The following LYRM4 variants were observed in gnomAD, a reference collection of about 807,000 sequenced individuals.
LYRM4 encodes the protein LYR motif containing 4.
LYRM4 carries 9 observed loss-of-function variants against 11.7 expected under a neutral mutation model. The ratio of observed to expected loss-of-function variants is 0.77; its 90% CI spans 0.46 to 1.34. LYRM4 has a LOEUF of 1.34. LYRM4 is among the 40% of genes most tolerant of loss of function. LYRM4 has a pLI of 0.00. For synonymous variants in LYRM4, 42 were observed against 40.4 expected (o/e 1.04, Z -0.15); for missense variants, 133 against 112.5 (o/e 1.18, Z -0.82).
chr6:5,190,859 G>A (rs1363834949), intron 2 of LYRM4, among the ~76,000 whole-genome samples: 7 of 152,256 alleles, frequency 4.6e-5, no homozygotes, highest in African/African-American at 1.2e-4. Flanking sequence ...ACCTGAGCCC[G>A]TGGCTTCAGG....
At chr6:5,248,836 G>A (rs566207191) in intron 1 of LYRM4, among the ~76,000 whole-genome samples, 3 of 152,346 alleles carry the variant, frequency 2.0e-5, no homozygotes, top group Non-Finnish European at 4.4e-5. Context: ...TTGGGCAAAG[G>A]TTATGTTTTG....
the LYRM4 span, chr6:5,066,467 GA>G: frequency 1.3e-6 from 1 of 760,074 alleles, no homozygotes; most frequent in South Asian, 1.4e-5. Context: ...AATTCTGAAA[GA>G]GCCCTTGAGA....
In LYRM4 at chr6:5,256,062, C is replaced by T. The variant is rs144147692; in HGVS notation, c.86+4586G>A. On this transcript the variant is annotated intron_variant, in intron 1 of 2. Transcript: ENST00000330636. ...CCCCCATTAACAAAGAATTAGCTGG[C>T]CCAAAAGGTTGGTCATGCCAAGATT... Among the ~76,000 whole-genome samples the T allele has an allele frequency of 4.4e-3, 674 of 151,812 alleles. 2 individuals carry two copies. The highest frequency in any genetic ancestry group is 0.015 in the African/African-American group (637 of 41,422).
the LYRM4 span, among the ~76,000 whole-genome samples, chr6:5,051,456 G>C: frequency 6.6e-6 from 1 of 152,154 alleles, no homozygotes; most frequent in East Asian, 1.9e-4. Context: ...CGAATCCCTG[G>C]GAAGGTAAGC....
At chr6:5,216,801 T>C (rs1762299775) in intron 1 of LYRM4, 63 bp from the exon 2 acceptor site, 1 of 1,559,078 alleles carries the variant, frequency 6.4e-7, no homozygotes, top group Non-Finnish European at 8.6e-7. Flanking sequence ...TGCTTTCAAA[T>C]GAATTTTAAA....
intron 2 of LYRM4, among the ~76,000 whole-genome samples, chr6:5,168,227 A>T (rs1446923112): frequency 6.6e-6 from 1 of 152,210 alleles, no homozygotes; most frequent in Non-Finnish European, 1.5e-5. Flanking sequence ...CTCATGTAAT[A>T]AGTAAATCAG....
chr6:5,158,571 G>A (rs1473497910), intron 2 of LYRM4, among the ~76,000 whole-genome samples: 5 of 151,456 alleles, frequency 3.3e-5, no homozygotes. Flanking sequence ...CAAACTCTTG[G>A]GCTTAAGCGA....
downstream of LYRM4, among the ~76,000 whole-genome samples, chr6:5,099,970 TC>T (rs544934524): frequency 6.6e-5 from 10 of 152,308 alleles, no homozygotes; most frequent in South Asian, 2.1e-3. The surrounding 1 kb of genome is among the most constrained non-coding windows in gnomAD (Gnocchi z 4.3). Flanking sequence ...CCTTGGTCTC[TC>T]CTCAGGATGC....
intron 1 of LYRM4, among the ~76,000 whole-genome samples, chr6:5,255,582 G>A (rs1476987270): frequency 6.6e-6 from 1 of 151,968 alleles, no homozygotes; most frequent in African/African-American, 2.4e-5. Context: ...AACGTAAAAG[G>A]CCTAAGACCA....
At chr6:5,110,334 A>C (rs937997735) in intron 2 of LYRM4, among the ~76,000 whole-genome samples, 1 of 110,920 alleles carries the variant, frequency 9.0e-6, no homozygotes, top group African/African-American at 3.7e-5. Flanking sequence ...CAACATCCTC[A>C]TGGTTTTCCT....
At chr6:5,040,049 C>G in the LYRM4 span, among the ~76,000 whole-genome samples, 1 of 152,068 alleles carries the variant, frequency 6.6e-6, no homozygotes, top group Non-Finnish European at 1.5e-5. Flanking sequence ...TAGCCATATG[C>G]AAAAAGAAAA....
chr6:5,058,190 T>C, the LYRM4 span, among the ~76,000 whole-genome samples: 1 of 152,196 alleles, frequency 6.6e-6, no homozygotes, highest in Non-Finnish European at 1.5e-5. Flanking sequence ...GGGCTCTCTG[T>C]GACTGGAGAG....
chr6:5,151,230 C>T (rs1186368677), intron 2 of LYRM4, among the ~76,000 whole-genome samples: 1 of 151,900 alleles, frequency 6.6e-6, no homozygotes, highest in African/African-American at 2.4e-5. Flanking sequence ...ACTACAGATG[C>T]GTGCCACCAT....
At chr6:5,114,145 C>T (rs1452703403) in intron 2 of LYRM4, among the ~76,000 whole-genome samples, 1 of 152,144 alleles carries the variant, frequency 6.6e-6, no homozygotes, top group Non-Finnish European at 1.5e-5. Flanking sequence ...TGCCTGCCCG[C>T]CCTCCAGTTT....
chr6:5,197,282 G>T (rs1024942254), intron 2 of LYRM4, among the ~76,000 whole-genome samples: 9 of 152,132 alleles, frequency 5.9e-5, no homozygotes, highest in Non-Finnish European at 2.9e-5. Context: ...TTGGTTGAAG[G>T]GGGGGGCCAA....
At chr6:5,253,833 C>CA (rs59576268) in intron 1 of LYRM4, among the ~76,000 whole-genome samples, 85 of 137,760 alleles carry the variant, frequency 6.2e-4, no homozygotes, top group East Asian at 8.5e-4. Flanking sequence ...TCATGCTGAG[C>CA]AAAAAAAAAA....
chr6:5,051,231 A>G, the LYRM4 span, among the ~76,000 whole-genome samples: 1 of 152,236 alleles, frequency 6.6e-6, no homozygotes, highest in Non-Finnish European at 1.5e-5. Context: ...CAGAAGGAGA[A>G]GACAAAGAAA....
Position 5,176,081 on chromosome 6 carries a change from T to TC in LYRM4, c.207+40536_207+40537insG, listed in dbSNP as rs113304086. Among the ~76,000 whole-genome samples the TC allele has an allele frequency of 1.0e-3, 158 of 151,928 alleles. 1 individual carries two copies. The highest frequency in any genetic ancestry group is 3.7e-3 in the African/African-American group (152 of 41,410). On this transcript the variant is annotated intron_variant, in intron 2 of 2. Transcript: ENST00000330636. ...TTACGCTATTAATTTTTTTTTTTTT[T>TC]TGAGACAGAGTCTCGCTCTATTGCC...
chr6:5,173,549 CCTTTT>C (rs1398005178), intron 2 of LYRM4, among the ~76,000 whole-genome samples: 6 of 152,276 alleles, frequency 3.9e-5, no homozygotes, highest in African/African-American at 9.6e-5. Flanking sequence ...AAATTACAAT[CCTTTT>C]CTTTTCTATG....
Sources: allele counts gnomAD v4.1 joint callset (sites outside exome capture counted in the v4.1 genomes callset), GRCh38; gene constraint gnomAD v4.1.1; non-coding constraint Gnocchi (gnomAD v3.1); transcripts MANE v1.5; gene names NCBI Gene and HGNC (gene_info 2026-07-23, HGNC 2026-07-21).